Variants in THSD7B observed in about 807,000 individuals in gnomAD.
THSD7B encodes thrombospondin type-1 domain-containing protein 7B.
THSD7B carries 138 observed loss-of-function variants against 213.6 expected under a neutral mutation model. That is an observed-to-expected ratio of 0.65 (90% CI 0.56 to 0.74). The LOEUF (loss-of-function observed/expected upper bound fraction) is 0.74. THSD7B is among the 30% of genes least tolerant of loss of function. The pLI is 0.00. For missense variants in THSD7B, 1,931 were observed against 1,991.5 expected, an observed-to-expected ratio of 0.97 and a Z score of 0.58; for synonymous variants, 742 against 687.0, an observed-to-expected ratio of 1.08 and a Z score of -1.25.
intron 13 of THSD7B, among the ~76,000 whole-genome samples, chr2:137,410,301 C>G (rs1686624074): frequency 6.6e-6 from 1 of 151,792 alleles, no homozygotes; most frequent in African/African-American, 2.4e-5. Context: ...CAGCATCTTG[C>G]TCTGTCGCCC....
intron 15 of THSD7B, among the ~76,000 whole-genome samples, chr2:137,525,772 A>T (rs561933802): frequency 6.6e-6 from 1 of 152,172 alleles, no homozygotes; most frequent in South Asian, 2.1e-4. Flanking sequence ...GAGTTCACAC[A>T]TTTATAAGTG....
intron 3 of THSD7B, among the ~76,000 whole-genome samples, chr2:137,086,435 C>T (rs80110313): frequency 0.014 from 2,142 of 152,216 alleles, 30 homozygotes; most frequent in African/African-American, 0.026. Context: ...GTTCCTAACT[C>T]GTATCCCTCC....
At chr2:137,186,547 T>G (rs1009618994) in intron 7 of THSD7B, among the ~76,000 whole-genome samples, 4 of 152,170 alleles carry the variant, frequency 2.6e-5, no homozygotes, top group Non-Finnish European at 5.9e-5. Flanking sequence ...TTTTGAGTTC[T>G]CTGTTTTGTT....
At chr2:137,438,218 G>C (rs780342049) in intron 14 of THSD7B, among the ~76,000 whole-genome samples, 8 of 152,094 alleles carry the variant, frequency 5.3e-5, no homozygotes, top group Non-Finnish European at 7.4e-5. Context: ...CAAGTAGTAA[G>C]TGTCCTGGTT....
chr2:137,608,703 C>T (rs1682233532), intron 17 of THSD7B, among the ~76,000 whole-genome samples: 1 of 152,128 alleles, frequency 6.6e-6, no homozygotes, highest in Non-Finnish European at 1.5e-5. Flanking sequence ...GTTTTAGTTT[C>T]CCTCACTATT....
intron 1 of THSD7B, among the ~76,000 whole-genome samples, chr2:136,785,471 A>C (rs78121828): frequency 1.3e-5 from 2 of 152,034 alleles, no homozygotes; most frequent in African/African-American, 4.8e-5. Context: ...ATCTTGGAGG[A>C]CCCAGAAGGA....
At chr2:137,628,843 T>C (rs1348408422) in intron 20 of THSD7B, among the ~76,000 whole-genome samples, 1 of 152,218 alleles carries the variant, frequency 6.6e-6, no homozygotes, top group Non-Finnish European at 1.5e-5. Flanking sequence ...TGTACTGCCC[T>C]GCCAGCTCTG....
At chr2:136,850,498 T>C (rs915502193) in intron 1 of THSD7B, among the ~76,000 whole-genome samples, 5 of 152,002 alleles carry the variant, frequency 3.3e-5, no homozygotes, top group Non-Finnish European at 5.9e-5. Flanking sequence ...TTAAAAAGGG[T>C]TGTTCTGGTG....
At chr2:137,333,007 G>A (rs1361899789) in intron 12 of THSD7B, among the ~76,000 whole-genome samples, 1 of 152,196 alleles carries the variant, frequency 6.6e-6, no homozygotes, top group African/African-American at 2.4e-5. Flanking sequence ...GAATGAGTTA[G>A]GTGGCCCTGT....
intron 16 of THSD7B, among the ~76,000 whole-genome samples, chr2:137,564,804 A>G (rs570270037): frequency 2.6e-5 from 4 of 152,298 alleles, no homozygotes; most frequent in Non-Finnish European, 5.9e-5. Context: ...AGCCCGATAT[A>G]ATACAAACAG....
intron 20 of THSD7B, among the ~76,000 whole-genome samples, chr2:137,626,088 C>A (rs1183566491): frequency 6.6e-6 from 1 of 152,166 alleles, no homozygotes; most frequent in African/African-American, 2.4e-5. Flanking sequence ...AGTGGTGCTC[C>A]AGTCATGTCC....
At chr2:137,041,448 T>C (rs1184326764) in intron 2 of THSD7B, among the ~76,000 whole-genome samples, 1 of 151,856 alleles carries the variant, frequency 6.6e-6, no homozygotes, top group Non-Finnish European at 1.5e-5. Flanking sequence ...ACATATATAT[T>C]AATATGAATG....
In THSD7B at chr2:137,273,025, TACACACACACACACAC is replaced by T. The variant is rs71877881; in HGVS notation, c.2396+393_2396+408del. On this transcript the variant is annotated intron_variant, in intron 11 of 27. Transcript: ENST00000409968. Reference sequence around the variant, plus strand: ...CACACCACACACACGGGAGAAGGAATACACACACACACACACACACACACACACACACACACACACA... The same window carrying T: ...CACACCACACACACGGGAGAAGGAATACACACACACACACACACACACACA... Among the ~76,000 whole-genome samples, 248 of 141,064 alleles carry T rather than the reference TACACACACACACACAC, an allele frequency of 1.8e-3. 1 individual carries two copies. The highest frequency in any genetic ancestry group is 6.0e-3 in the African/African-American group (231 of 38,196). 92.5% of individuals were successfully genotyped at this position (141,064 alleles called of 152,430 possible). A position where few individuals can be genotyped will look rare whatever the true frequency, so the allele number is the denominator to read the frequency against.
intron 15 of THSD7B, among the ~76,000 whole-genome samples, chr2:137,557,508 G>C (rs911831559): frequency 6.6e-6 from 1 of 152,102 alleles, no homozygotes; most frequent in African/African-American, 2.4e-5. Flanking sequence ...GATGTTCTTT[G>C]AAACCAACGA....
chr2:137,392,294 GT>G (rs1288855395), intron 12 of THSD7B, among the ~76,000 whole-genome samples: 2 of 152,110 alleles, frequency 1.3e-5, no homozygotes, highest in Admixed American at 1.3e-4. Flanking sequence ...CACATCCATT[GT>G]TTTTTGTTGC....
chr2:136,893,168 A>C (rs1683895505), intron 2 of THSD7B, among the ~76,000 whole-genome samples: 2 of 152,206 alleles, frequency 1.3e-5, no homozygotes, highest in African/African-American at 2.4e-5. Flanking sequence ...TAATTTTACA[A>C]TAATTGACCC....
intron 12 of THSD7B, among the ~76,000 whole-genome samples, chr2:137,392,009 G>A (rs569585500): frequency 2.8e-4 from 42 of 152,222 alleles, no homozygotes; most frequent in Non-Finnish European, 4.9e-4. Context: ...ACTCAGGATC[G>A]TTTAGAAATA....
chr2:137,531,303 G>T (rs1680392963), intron 15 of THSD7B, among the ~76,000 whole-genome samples: 1 of 151,816 alleles, frequency 6.6e-6, no homozygotes. Flanking sequence ...TGGCAATTAG[G>T]CTTAATACTG....
chr2:136,807,443 C>T (rs1274467457), intron 1 of THSD7B, among the ~76,000 whole-genome samples: 1 of 151,020 alleles, frequency 6.6e-6, no homozygotes, highest in Non-Finnish European at 1.5e-5. Context: ...TTCTGCATTC[C>T]TTTGACATAC....
Sources: gnomAD v4.1 joint callset for allele counts (sites outside exome capture counted in the v4.1 genomes callset) on GRCh38, gnomAD v4.1.1 for gene constraint, MANE v1.5 for transcripts, NCBI Gene and HGNC (gene_info 2026-07-23, HGNC 2026-07-21) for gene names.